ICA1: variants seen among roughly 807,000 people sequenced by gnomAD.
ICA1 encodes islet cell autoantigen 1, also known as 69 kDa islet cell autoantigen.
Under a neutral mutation model 71.0 loss-of-function variants are expected in ICA1, and 40 were observed. The ratio of observed to expected loss-of-function variants is 0.56; its 90% confidence interval spans 0.44 to 0.73. The LOEUF (loss-of-function observed/expected upper bound fraction) is 0.73, where lower values mean the gene tolerates loss of function less well. Ranked by LOEUF, ICA1 falls within the 30% of genes least tolerant of loss-of-function variation. ICA1 has a pLI of 0.00. For synonymous variants in ICA1, 207 were observed against 209.5 expected (o/e 0.99, Z 0.10); for missense variants, 578 against 576.5 (o/e 1.00, Z -0.03).
At chr7:8,192,133 G>T (rs983450796) in intron 6 of ICA1, among the ~76,000 whole-genome samples, 1 of 152,044 alleles carries the variant, frequency 6.6e-6, no homozygotes, top group African/African-American at 2.4e-5. Flanking sequence ...ATTGAAATCA[G>T]GAAATTAATA....
intron 1 of ICA1, among the ~76,000 whole-genome samples, chr7:8,239,794 G>A (rs1368149750): frequency 6.6e-6 from 1 of 152,228 alleles, no homozygotes; most frequent in Non-Finnish European, 1.5e-5. Context: ...CTTGCTCACT[G>A]CTAGCACAGC....
In ICA1 at chr7:8,246,214, G is replaced by A. The variant is rs144489654; in HGVS notation, c.-79-10209C>T. 5.6e-4 allele frequency among the ~76,000 whole-genome samples: 86 copies of A among 152,308 alleles called. No homozygotes were observed. In the East Asian group the frequency reaches 0.016, roughly 29 times the overall value. On this transcript the variant is annotated intron_variant, in intron 1 of 13. Coordinates refer to ENST00000402384, the MANE Select transcript of ICA1 (RefSeq NM_001136020.3). ...GATGGACTGTGAGCGCCAAGATATT[G>A]TCACAGTCAGCACAACTTGATCGCA...
chr7:8,129,725 T>A (rs774311135), intron 12 of ICA1, among the ~76,000 whole-genome samples: 42 of 152,286 alleles, frequency 2.8e-4, no homozygotes, highest in Non-Finnish European at 5.3e-4. Flanking sequence ...TATTATACTT[T>A]AAGTTTTAGG....
chr7:8,118,075 A>G (rs911339264), intron 13 of ICA1, among the ~76,000 whole-genome samples: 1 of 152,242 alleles, frequency 6.6e-6, no homozygotes, highest in African/African-American at 2.4e-5. Flanking sequence ...GTACTCTTTT[A>G]AACCGTGAGT....
chr7:8,195,893 G>A (rs1423637888), intron 6 of ICA1, among the ~76,000 whole-genome samples: 3 of 152,044 alleles, frequency 2.0e-5, no homozygotes, highest in Non-Finnish European at 4.4e-5. Flanking sequence ...CAGGAGAATT[G>A]CTTGAACCCA....
In ICA1 at chr7:8,231,352, T is replaced by C. The variant is rs575318453; in HGVS notation, c.183+1238A>G. Among the ~76,000 whole-genome samples, 7 of 152,222 alleles carry C rather than the reference T, an allele frequency of 4.6e-5. No individual in the cohort carries two copies. In the East Asian group the frequency reaches 1.4e-3, roughly 29 times the overall value. ...CCAGTGGGTCAGGAGCTTTGCTATG[T>C]ACTAGAGATACCATATGGAATGCAG... On this transcript the variant is annotated intron_variant, in intron 3 of 13. Coordinates refer to ENST00000402384, the MANE Select transcript of ICA1 (RefSeq NM_001136020.3).
intron 4 of ICA1, among the ~76,000 whole-genome samples, chr7:8,224,891 G>T (rs1371084988): frequency 6.6e-6 from 1 of 152,132 alleles, no homozygotes; most frequent in Non-Finnish European, 1.5e-5. Context: ...TTAGACTGTG[G>T]TTACAGATAT....
At chr7:8,169,901 AGTGTGT>A (rs58794085) in intron 6 of ICA1, among the ~76,000 whole-genome samples, 2 of 147,194 alleles carry the variant, frequency 1.4e-5, no homozygotes, top group African/African-American at 5.0e-5. Context: ...TTAATGCCTG[AGTGTGT>A]GTGTGTGTGT....
chr7:8,186,025 T>C (rs1783801399), intron 6 of ICA1, among the ~76,000 whole-genome samples: 1 of 152,080 alleles, frequency 6.6e-6, no homozygotes, highest in South Asian at 2.1e-4. Flanking sequence ...CATTAGGAAG[T>C]GTTAGGTGGC....
At chr7:8,228,715 G>A in intron 3 of ICA1, 42 bp from the exon 4 acceptor site, 1 of 1,340,728 alleles carries the variant, frequency 7.5e-7, no homozygotes, top group Non-Finnish European at 1.0e-6. Flanking sequence ...AAAACAGACA[G>A]TGGTGAGATA....
At chr7:8,171,898 A>G (rs1357324908) in intron 6 of ICA1, among the ~76,000 whole-genome samples, 3 of 151,914 alleles carry the variant, frequency 2.0e-5, no homozygotes, top group Non-Finnish European at 4.4e-5. Flanking sequence ...TGAATTTCCA[A>G]TTATTCAGGG....
At chr7:8,192,957 C>T (rs1161202476) in intron 6 of ICA1, among the ~76,000 whole-genome samples, 1 of 152,284 alleles carries the variant, frequency 6.6e-6, no homozygotes, top group African/African-American at 2.4e-5. Context: ...ACATGATGTT[C>T]CAGGCTCTAT....
intron 1 of ICA1, among the ~76,000 whole-genome samples, chr7:8,239,007 A>G (rs1314694826): frequency 6.6e-6 from 1 of 152,212 alleles, no homozygotes; most frequent in Non-Finnish European, 1.5e-5. Context: ...CACAGGGAAA[A>G]TATTTTTGGA....
chr7:8,190,107 T>G (rs1158661106), intron 6 of ICA1, among the ~76,000 whole-genome samples: 1 of 152,184 alleles, frequency 6.6e-6, no homozygotes, highest in African/African-American at 2.4e-5. Context: ...AAATCTACCA[T>G]GAAGTGCCTG....
At chr7:8,139,792 G>C (rs1794604705) in intron 10 of ICA1, among the ~76,000 whole-genome samples, 1 of 152,146 alleles carries the variant, frequency 6.6e-6, no homozygotes, top group South Asian at 2.1e-4. Context: ...AGAAATCTCT[G>C]TACATTGAGC....
intron 6 of ICA1, among the ~76,000 whole-genome samples, chr7:8,163,936 G>A (rs1284333132): frequency 1.3e-5 from 2 of 152,158 alleles, no homozygotes; most frequent in African/African-American, 4.8e-5. Context: ...GCAAGGAAGA[G>A]AGAGGATCCT....
At chr7:8,238,462 C>G (rs1445811707) in intron 1 of ICA1, among the ~76,000 whole-genome samples, 1 of 151,870 alleles carries the variant, frequency 6.6e-6, no homozygotes, top group Non-Finnish European at 1.5e-5. Context: ...GGTCTTTTGC[C>G]CATTTTTAAA....
At chr7:8,241,232 C>G (rs1395242637) in intron 1 of ICA1, among the ~76,000 whole-genome samples, 1 of 152,226 alleles carries the variant, frequency 6.6e-6, no homozygotes, top group South Asian at 2.1e-4. Context: ...AGAAACTCTA[C>G]AAGCCAGAAG....
At chr7:8,198,027 A>C (rs1167639598) in intron 6 of ICA1, among the ~76,000 whole-genome samples, 1 of 152,230 alleles carries the variant, frequency 6.6e-6, no homozygotes, top group Non-Finnish European at 1.5e-5. Flanking sequence ...CTTTCTTTTG[A>C]AAATTAAAAT....
Sources: allele counts gnomAD v4.1 joint callset (sites outside exome capture counted in the v4.1 genomes callset), GRCh38; gene constraint gnomAD v4.1.1; transcripts MANE v1.5; gene names NCBI Gene and HGNC (gene_info 2026-07-23, HGNC 2026-07-21).